Variants in ZNF200 observed in about 807,000 individuals in gnomAD.
ZNF200 encodes zinc finger protein 200.
ZNF200 carries 35 observed loss-of-function variants against 33.6 expected under a neutral mutation model. That is an observed-to-expected ratio of 1.04 (90% CI 0.80 to 1.38). ZNF200 has a LOEUF of 1.38. Among genes scored for constraint, ZNF200 ranks in the 40% most tolerant of loss-of-function variants. The pLI is 0.00. For synonymous variants in ZNF200, 209 were observed against 167.7 expected (o/e 1.25, Z -1.90); for missense variants, 592 against 470.6 (o/e 1.26, Z -2.39).
intron 4 of ZNF200, among the ~76,000 whole-genome samples, chr16:3,228,617 C>G (rs1958543401): frequency 1.3e-5 from 2 of 152,044 alleles, no homozygotes; most frequent in African/African-American, 4.8e-5. Flanking sequence ...ACCTCAGCCT[C>G]CAGAGTAACT....
At chr16:3,228,231 T>C (rs1176675099) in intron 4 of ZNF200, among the ~76,000 whole-genome samples, 1 of 152,204 alleles carries the variant, frequency 6.6e-6, no homozygotes, top group African/African-American at 2.4e-5. Flanking sequence ...GATTTCTGTT[T>C]ATTCACTTTA....
intron 4 of ZNF200, among the ~76,000 whole-genome samples, chr16:3,230,692 T>G (rs1958612207): frequency 6.6e-6 from 1 of 152,224 alleles, no homozygotes; most frequent in Non-Finnish European, 1.5e-5. Context: ...AAAAATTGGT[T>G]AAATGTTACT....
At position 3,232,404 on chromosome 16, in the gene ZNF200, A is replaced by T; in HGVS notation, c.466+17T>A. 6.2e-7 allele frequency: 1 copy of T among 1,612,138 alleles called. No homozygotes were observed. Among genetic ancestry groups the T allele is most frequent in the Non-Finnish European group, 8.5e-7 (1 of 1,178,942 alleles). On this transcript the variant is annotated intron_variant, in intron 4 of 4. Coordinates refer to ENST00000414144, the MANE Select transcript of ZNF200 (RefSeq NM_198088.3). ...CAAAGCAAACAACCTGAACACACAA[A>T]GGCTGTGATTTCTTACCCAGTAACA...
In ZNF200 at chr16:3,233,521, T is replaced by C. The variant is rs1470585486; in HGVS notation, c.235A>G (p.Ser79Gly). ...TGCTTCTCACCTCTGTTCTGAAGGC[T>C]TGAGCTCACATCTTTCATAATAACC... ...TLVIMKDVSS[S>G]LQNRVHPRPL... Residue 79 changes from serine to glycine, a missense_variant, in exon 2 of 5, where the codon AGC becomes GGC. By Grantham distance (56) the Ser-to-Gly change is moderately conservative (BLOSUM62 0). Coordinates refer to ENST00000414144, the MANE Select transcript of ZNF200 (RefSeq NM_198088.3). 3.7e-5 allele frequency: 58 copies of C among 1,563,080 alleles called. No homozygotes were observed. Among genetic ancestry groups the C allele is most frequent in the Non-Finnish European group, 4.3e-5 (50 of 1,155,814 alleles).
In ZNF200 at chr16:3,233,799, G is replaced by C. The variant is rs770047479; in HGVS notation, c.-44C>G. 11 of 1,563,608 alleles carry C rather than the reference G, an allele frequency of 7.0e-6. No individual in the cohort carries two copies. The Middle Eastern group carries it at 5.4e-4, about 76-fold the overall frequency. On this transcript the variant is annotated 5_prime_UTR_variant, in exon 2 of 5. Transcript: ENST00000414144. Reference sequence around the variant, plus strand: ...ACACTCGTTTCGCGGGGCCTCCAGAGCCACCTCTTACTAGAGGAAATCTGC... The same window carrying C: ...ACACTCGTTTCGCGGGGCCTCCAGACCCACCTCTTACTAGAGGAAATCTGC...
At chr16:3,227,314 C>T (rs1242217911) in intron 4 of ZNF200, 1 of 152,190 alleles carries the variant, frequency 6.6e-6, no homozygotes, top group Non-Finnish European at 1.5e-5. Context: ...ATTACAAAAA[C>T]CTTCCTATCC....
In ZNF200 at chr16:3,224,319, C is replaced by A; in HGVS notation, c.761G>T (p.Cys254Phe). Residue 254 changes from cysteine (C) to phenylalanine (F), a missense_variant, in exon 5 of 5, where the codon TGT becomes TTT. Transcript: ENST00000414144. Reference sequence around the variant, plus strand: ...ATTAAACTGTTTCCCACACAGTGGACAAGTGTACCATCTCCTTGTCCTCCG... The same window carrying A: ...ATTAAACTGTTTCCCACACAGTGGAAAAGTGTACCATCTCCTTGTCCTCCG... ...RNRRTRRWYT[C>F]PLCGKQFNES... 2 of 1,614,136 alleles carry A rather than the reference C, an allele frequency of 1.2e-6. No individual in the cohort carries two copies. Among genetic ancestry groups the A allele is most frequent in the Non-Finnish European group, 1.7e-6 (2 of 1,180,012 alleles).
chr16:3,228,303 T>C (rs927383143), intron 4 of ZNF200, among the ~76,000 whole-genome samples: 2 of 152,090 alleles, frequency 1.3e-5, no homozygotes, highest in African/African-American at 4.8e-5. Flanking sequence ...GACAAATAAA[T>C]GTTCTTATTT....
chr16:3,232,861 A>G lies in ZNF200; in HGVS notation c.311T>C (p.Val104Ala), dbSNP rs1958675882. 1 of 1,613,876 alleles carries G rather than the reference A, an allele frequency of 6.2e-7. No homozygotes were observed. The highest frequency in any genetic ancestry group is 8.5e-7 in the Non-Finnish European group (1 of 1,179,848). ...AGGGTTAGCTTTCAAATACAGAGACACTGTCTCTTGTTCCTTTTGGACTCC... is the reference window on the plus strand; with the variant it reads ...AGGGTTAGCTTTCAAATACAGAGACGCTGTCTCTTGTTCCTTTTGGACTCC... ...PKGVQKEQET[V>A]SLYLKANPEE... is the part of the protein sequence containing the mutation. The change falls in exon 3 of 5, where the codon GTG becomes GCG. Residue 104 changes from valine to alanine, a missense_variant. Val to Ala is a moderately conservative substitution (Grantham distance 64). Coordinates refer to ENST00000414144, the MANE Select transcript of ZNF200 (RefSeq NM_198088.3).
chr16:3,230,058 A>T (rs1272109788), intron 4 of ZNF200, among the ~76,000 whole-genome samples: 1 of 152,190 alleles, frequency 6.6e-6, no homozygotes, highest in African/African-American at 2.4e-5. Flanking sequence ...GTGATTTCTC[A>T]CTCTTAGTTC....
chr16:3,233,720 C>A lies in ZNF200; in HGVS notation c.36G>T (p.Lys12Asn). The stretch of plus-strand genomic sequence containing the variant: ...CTCTCAGTATAAAGGACTGCTTTGG[C>A]TTTGGGGGCATAGGAACCACTTTTG... The part of the protein sequence containing the change: ...MAAKVVPMPP[K>N]PKQSFILRVP... Residue 12 changes from lysine (K) to asparagine (N), a missense_variant, in exon 2 of 5, where the codon AAG (lysine) becomes AAT (asparagine). By Grantham distance (94) the Lys-to-Asn change is moderately conservative. Coordinates refer to ENST00000414144, the MANE Select transcript of ZNF200 (RefSeq NM_198088.3). 1.2e-6 allele frequency: 2 copies of A among 1,612,956 alleles called. No homozygotes were observed. The highest frequency in any genetic ancestry group is 1.7e-6 in the Non-Finnish European group (2 of 1,179,664).
chr16:3,234,941 C>A (rs1958764461), intron 1 of ZNF200, 46 bp downstream of exon 1: 1 of 152,386 alleles, frequency 6.6e-6, no homozygotes, highest in Non-Finnish European at 1.5e-5. Flanking sequence ...GCTCCGCTCC[C>A]CAGAGGCGGC....
At chr16:3,230,358 C>T (rs1426308135) in intron 4 of ZNF200, among the ~76,000 whole-genome samples, 2 of 152,184 alleles carry the variant, frequency 1.3e-5, no homozygotes, top group Non-Finnish European at 2.9e-5. Flanking sequence ...CTTTAATTTA[C>T]TGATCTTTAT....
intron 4 of ZNF200, among the ~76,000 whole-genome samples, chr16:3,228,520 A>G (rs1259255583): frequency 2.0e-5 from 3 of 151,572 alleles, no homozygotes; most frequent in Non-Finnish European, 3.0e-5. Context: ...TTTGAGATGG[A>G]GTCTTGCTCT....
rs1352116952 is a variant in ZNF200, at chr16:3,223,798, T to C, written c.*94A>G. 3 of 1,492,126 alleles carry C rather than the reference T, an allele frequency of 2.0e-6. No homozygotes were observed. Among genetic ancestry groups the C allele is most frequent in the East Asian group, 2.3e-5 (1 of 43,562 alleles). 92.4% of individuals were successfully genotyped at this position (1,492,126 alleles called of 1,614,324 possible). A position where few individuals can be genotyped will look rare whatever the true frequency, so the allele number is the denominator to read the frequency against. On this transcript the variant is annotated 3_prime_UTR_variant, in exon 5 of 5. Coordinates refer to ENST00000414144, the MANE Select transcript of ZNF200 (RefSeq NM_198088.3). ...TTGGCAATAATGAGATTTTTACACATTTATACCTTTTTAGGCAGCTTGGGA... is the reference window on the plus strand; with the variant it reads ...TTGGCAATAATGAGATTTTTACACACTTATACCTTTTTAGGCAGCTTGGGA...
rs1958406485 is a variant in ZNF200 at position 3,224,189 on chromosome 16, T to C, written c.891A>G (p.Lys297=). The change falls in exon 5 of 5, where the codon AAA becomes AAG. Residue 297 remains lysine, a synonymous_variant. Coordinates refer to ENST00000414144, the MANE Select transcript of ZNF200 (RefSeq NM_198088.3). ...TCTCTCCTGTATGAATTCGCTCATG[T>C]TTATTGAGGTTTGTTTTATGATTGA... The part of the protein sequence containing the change: ...KSFNHKTNLN[K]HERIHTGEKP... 1.9e-6 allele frequency: 3 copies of C among 1,614,168 alleles called. No homozygotes were observed. Among genetic ancestry groups the C allele is most frequent in the Non-Finnish European group, 2.5e-6 (3 of 1,180,036 alleles).
chr16:3,226,109 A>G (rs1958464992), intron 4 of ZNF200: 1 of 143,796 alleles, frequency 7.0e-6, no homozygotes, highest in African/African-American at 2.6e-5. Context: ...TTGGAGTGCA[A>G]TGGCACCATC....
In ZNF200 at chr16:3,223,936, G is replaced by A. The variant is rs376825937; in HGVS notation, c.1144C>T (p.His382Tyr). Residue 382 changes from histidine to tyrosine, a missense_variant, in exon 5 of 5, where the codon CAT (histidine) becomes TAT (tyrosine). Coordinates refer to ENST00000414144, the MANE Select transcript of ZNF200 (RefSeq NM_198088.3). ...TTACAGGCTGAGTGGGTTTTCTCAT[G>A]CCGGGTACAGTTTGACAGCCGACCA... Reference protein sequence around the residue: ...RFGRLSNCTRHEKTHSACKTR... With the variant: ...RFGRLSNCTRYEKTHSACKTR... The A allele has an allele frequency of 3.0e-5, 49 of 1,614,072 alleles. No individual in the cohort carries two copies. In the African/African-American group the frequency reaches 6.3e-4, roughly 21 times the overall value.
chr16:3,224,059 A>C lies in ZNF200; in HGVS notation c.1021T>G (p.Cys341Gly). 1 of 1,614,216 alleles carries C rather than the reference A, an allele frequency of 6.2e-7. No individual in the cohort carries two copies. The highest frequency in any genetic ancestry group is 8.5e-7 in the Non-Finnish European group (1 of 1,180,046). ...IREKIFKCPE[C>G]GKTFPKNEEF... Reference sequence around the variant, plus strand: ...TCATTCTTTGGGAAGGTTTTCCCACATTCTGGACACTTAAATATCTTCTCC... The same window carrying C: ...TCATTCTTTGGGAAGGTTTTCCCACCTTCTGGACACTTAAATATCTTCTCC... Residue 341 changes from cysteine to glycine, a missense_variant, in exon 5 of 5, where the codon TGT becomes GGT. Transcript: ENST00000414144.
Sources: gnomAD v4.1 joint callset for allele counts (sites outside exome capture counted in the v4.1 genomes callset) on GRCh38, gnomAD v4.1.1 for gene constraint, MANE v1.5 for transcripts, NCBI Gene and HGNC (gene_info 2026-07-23, HGNC 2026-07-21) for gene names.